Variants in NR2F1-AS1 observed in about 807,000 individuals in gnomAD.
NR2F1-AS1 encodes NR2F1 antisense RNA 1.
intron 4 of NR2F1-AS1, among the ~76,000 whole-genome samples, chr5:93,413,806 A>G (rs949240043): frequency 3.9e-5 from 6 of 152,196 alleles, no homozygotes; most frequent in African/African-American, 9.7e-5. Flanking sequence ...GAAATTTTGA[A>G]GTTCTGGGTC....
At chr5:93,510,787 T>A (rs936815581) in intron 4 of NR2F1-AS1, among the ~76,000 whole-genome samples, 8 of 152,188 alleles carry the variant, frequency 5.3e-5, no homozygotes, top group African/African-American at 1.4e-4. Context: ...GAATTAGGTC[T>A]CTCTGTGCTA....
intron 1 of NR2F1-AS1, among the ~76,000 whole-genome samples, chr5:93,566,490 C>A (rs1237367448): frequency 6.6e-6 from 1 of 152,032 alleles, no homozygotes; most frequent in Non-Finnish European, 1.5e-5. Flanking sequence ...TATTTCACAT[C>A]TGCAGTTGGG....
intron 4 of NR2F1-AS1, among the ~76,000 whole-genome samples, chr5:93,540,413 G>A (rs1751924997): frequency 1.3e-5 from 2 of 152,132 alleles, no homozygotes; most frequent in South Asian, 4.1e-4. Context: ...TTCAAGGGCT[G>A]TAGCTCACTC....
At chr5:93,438,009 G>A (rs934112561) in intron 4 of NR2F1-AS1, among the ~76,000 whole-genome samples, 1 of 152,102 alleles carries the variant, frequency 6.6e-6, no homozygotes, top group Admixed American at 6.5e-5. Context: ...CTGGGTTAGA[G>A]GGTACATTTG....
chr5:93,560,396 A>C (rs1198204757), intron 2 of NR2F1-AS1, among the ~76,000 whole-genome samples: 1 of 152,234 alleles, frequency 6.6e-6, no homozygotes, highest in Non-Finnish European at 1.5e-5. Flanking sequence ...GTCAAAACTC[A>C]AAACACATTC....
At chr5:93,535,462 G>C (rs151202541) in intron 4 of NR2F1-AS1, among the ~76,000 whole-genome samples, 3 of 151,968 alleles carry the variant, frequency 2.0e-5, no homozygotes, top group African/African-American at 7.2e-5. Context: ...ATGACAACAT[G>C]AAACTTTAAA....
intron 3 of NR2F1-AS1, among the ~76,000 whole-genome samples, chr5:93,554,084 A>T (rs1316567515): frequency 6.6e-6 from 1 of 152,196 alleles, no homozygotes; most frequent in Non-Finnish European, 1.5e-5. Context: ...TAAATATGCA[A>T]ATAATGAAAG....
At chr5:93,565,618 A>C (rs1386970577) in intron 1 of NR2F1-AS1, among the ~76,000 whole-genome samples, 1 of 152,016 alleles carries the variant, frequency 6.6e-6, no homozygotes. Flanking sequence ...ATTTTTCTTC[A>C]TATACCATTT....
At chr5:93,543,685 T>C (rs1317142505) in intron 4 of NR2F1-AS1, 1 of 152,220 alleles carries the variant, frequency 6.6e-6, no homozygotes, top group Non-Finnish European at 1.5e-5. Context: ...CAATGGTAAC[T>C]TACAAACTTT....
At chr5:93,421,620 A>T (rs1220537722) in intron 4 of NR2F1-AS1, among the ~76,000 whole-genome samples, 1 of 152,170 alleles carries the variant, frequency 6.6e-6, no homozygotes, top group African/African-American at 2.4e-5. Context: ...GGCTGGCACC[A>T]GGGAGGATCC....
At chr5:93,570,770 C>A (rs1023794188) in intron 1 of NR2F1-AS1, 1 of 152,378 alleles carries the variant, frequency 6.6e-6, no homozygotes, top group East Asian at 1.9e-4. Flanking sequence ...GCCCCTCCGC[C>A]GCGCGGGGGA....
chr5:93,439,974 C>T (rs916704241), intron 4 of NR2F1-AS1, among the ~76,000 whole-genome samples: 1 of 152,114 alleles, frequency 6.6e-6, no homozygotes, highest in African/African-American at 2.4e-5. Context: ...TATTTTATCC[C>T]CAGTGGTAGC....
chr5:93,471,492 T>C (rs1416064074), intron 4 of NR2F1-AS1, among the ~76,000 whole-genome samples: 3 of 151,988 alleles, frequency 2.0e-5, no homozygotes, highest in East Asian at 1.9e-4. Flanking sequence ...TAAATCACAA[T>C]ATGAATAGAA....
At chr5:93,493,778 A>C (rs571700535) in intron 4 of NR2F1-AS1, among the ~76,000 whole-genome samples, 1 of 152,130 alleles carries the variant, frequency 6.6e-6, no homozygotes, top group Non-Finnish European at 1.5e-5. Context: ...ATGATGCAGG[A>C]ACAAATGTAT....
At chr5:93,479,637 A>T (rs1243487954) in intron 4 of NR2F1-AS1, among the ~76,000 whole-genome samples, 1 of 151,962 alleles carries the variant, frequency 6.6e-6, no homozygotes, top group Non-Finnish European at 1.5e-5. Flanking sequence ...GCACACAAAA[A>T]ATAGAAAGTA....
intron 4 of NR2F1-AS1, among the ~76,000 whole-genome samples, chr5:93,429,278 G>A (rs1053581234): frequency 2.6e-5 from 4 of 152,004 alleles, no homozygotes; most frequent in African/African-American, 4.8e-5. Context: ...AAAACTCTAC[G>A]AAATAACAAA....
At chr5:93,454,763 C>T (rs778193126) in intron 4 of NR2F1-AS1, among the ~76,000 whole-genome samples, 54 of 152,084 alleles carry the variant, frequency 3.6e-4, no homozygotes, top group Non-Finnish European at 6.6e-4. Context: ...TCAATCATGC[C>T]TACATGATGA....
intron 4 of NR2F1-AS1, among the ~76,000 whole-genome samples, chr5:93,538,123 G>C (rs982006475): frequency 6.6e-6 from 1 of 152,060 alleles, no homozygotes; most frequent in African/African-American, 2.4e-5. Flanking sequence ...ATACAACCCT[G>C]AACTGGCATA....
chr5:93,469,759 C>A (rs182407429), intron 4 of NR2F1-AS1, among the ~76,000 whole-genome samples: 3 of 152,184 alleles, frequency 2.0e-5, no homozygotes, highest in Admixed American at 2.0e-4. Context: ...TACATCCACA[C>A]TCCCTGTCAG....
Sources: gnomAD v4.1 joint callset for allele counts (sites outside exome capture counted in the v4.1 genomes callset) on GRCh38, gnomAD v4.1.1 for gene constraint, MANE v1.5 for transcripts, NCBI Gene and HGNC (gene_info 2026-07-23, HGNC 2026-07-21) for gene names.